OPRM1: variants seen among roughly 807,000 people sequenced by gnomAD.
The protein encoded by OPRM1 is opioid receptor mu 1, also known as mu-type opioid receptor.
A neutral mutation model predicts 31.8 loss-of-function variants in OPRM1; 27 were observed. The observed-to-expected ratio is 0.85, with a 90% CI of 0.63 to 1.17. OPRM1 has a LOEUF of 1.17. Among genes scored for constraint, OPRM1 ranks in the 50% most tolerant of loss-of-function variants. The probability of loss-of-function intolerance (pLI) is 0.00; values close to 1 mark genes in which losing one functional copy is unlikely to be tolerated. For missense variants in OPRM1, 536 were observed against 511.1 expected (o/e 1.05, Z -0.47); for synonymous variants, 196 against 189.9 (o/e 1.03, Z -0.26).
At chr6:154,014,015 A>G (rs712244) in intron 1 of OPRM1, among the ~76,000 whole-genome samples, 35,231 of 152,110 alleles carry the variant, frequency 0.23, 5,275 homozygotes, top group East Asian at 0.59. Flanking sequence ...GGATATAGAG[A>G]CAAGGAAGGG....
chr6:154,114,908 C>T (rs1454861766), intron 3 of OPRM1, among the ~76,000 whole-genome samples: 1 of 151,228 alleles, frequency 6.6e-6, no homozygotes, highest in African/African-American at 2.4e-5. Flanking sequence ...TTGAAGAGAA[C>T]CAAAGCCAAG....
At chr6:154,137,482 A>G (rs1308371738) in intron 3 of OPRM1, among the ~76,000 whole-genome samples, 2 of 152,186 alleles carry the variant, frequency 1.3e-5, no homozygotes, top group African/African-American at 4.8e-5. Flanking sequence ...TAATTTAATA[A>G]ATCATTAAAT....
intron 3 of OPRM1, among the ~76,000 whole-genome samples, chr6:154,245,449 T>C (rs539131144): frequency 6.6e-6 from 1 of 152,324 alleles, no homozygotes; most frequent in African/African-American, 2.4e-5. Flanking sequence ...AAATCTTTAA[T>C]GAACAGGTGC....
chr6:154,172,926 C>T (rs1328633988), intron 3 of OPRM1, among the ~76,000 whole-genome samples: 3 of 152,166 alleles, frequency 2.0e-5, no homozygotes, highest in Non-Finnish European at 2.9e-5. Flanking sequence ...ACAGACACCT[C>T]ATATCAGTGG....
intron 3 of OPRM1, chr6:154,199,829 G>T: frequency 6.2e-7 from 1 of 1,614,138 alleles, no homozygotes; most frequent in South Asian, 1.1e-5. Flanking sequence ...TGCCTCTGAG[G>T]GTACAGGTGA....
chr6:154,025,495 T>G (rs1163138305), intron 1 of OPRM1, among the ~76,000 whole-genome samples: 1 of 152,074 alleles, frequency 6.6e-6, no homozygotes. Flanking sequence ...CTTTATGTTT[T>G]GATTGGAGAG....
At chr6:154,138,390 A>G (rs1798112119) in intron 3 of OPRM1, among the ~76,000 whole-genome samples, 1 of 152,214 alleles carries the variant, frequency 6.6e-6, no homozygotes, top group East Asian at 1.9e-4. Flanking sequence ...CAATGTCTGG[A>G]ACCTGCTGCA....
intron 3 of OPRM1, among the ~76,000 whole-genome samples, chr6:154,144,772 A>AG (rs1491341344): frequency 6.4e-5 from 9 of 140,400 alleles, no homozygotes; most frequent in African/African-American, 2.4e-4. Context: ...AAAAAAAAAA[A>AG]GAATTATACA....
At chr6:154,057,634 G>A (rs1195203413) in intron 1 of OPRM1, among the ~76,000 whole-genome samples, 1 of 152,154 alleles carries the variant, frequency 6.6e-6, no homozygotes, top group African/African-American at 2.4e-5. Context: ...GAAAAAAAGT[G>A]CTATTGACCA....
At chr6:154,056,910 A>C (rs1783421969) in intron 1 of OPRM1, among the ~76,000 whole-genome samples, 1 of 152,206 alleles carries the variant, frequency 6.6e-6, no homozygotes, top group Admixed American at 6.5e-5. Context: ...ACATGGGCTG[A>C]ATAAAATTAA....
chr6:154,099,971 G>A lies in OPRM1; in HGVS notation c.1164+8499G>A, dbSNP rs565783639. ...CATAACATATATATTATCATATTACGATATATATCATAACATATTATATAT... is the reference window on the plus strand; with the variant it reads ...CATAACATATATATTATCATATTACAATATATATCATAACATATTATATAT... On this transcript the variant is annotated intron_variant, in intron 3 of 3. Coordinates refer to ENST00000330432, the MANE Select transcript of OPRM1 (RefSeq NM_000914.5). 2.9e-3 allele frequency among the ~76,000 whole-genome samples: 385 copies of A among 131,682 alleles called. 2 individuals carry two copies. Among genetic ancestry groups the A allele is most frequent in the Middle Eastern group, 0.013 (2 of 154 alleles). 86.4% of individuals were successfully genotyped at this position (131,682 alleles called of 152,430 possible). A position where few individuals can be genotyped will look rare whatever the true frequency, so the allele number is the denominator to read the frequency against.
intron 1 of OPRM1, among the ~76,000 whole-genome samples, chr6:154,012,611 C>A (rs561113603): frequency 6.6e-6 from 1 of 152,096 alleles, no homozygotes; most frequent in South Asian, 2.1e-4. Flanking sequence ...ATTATTTTTT[C>A]TTTCTTTGAA....
intron 3 of OPRM1, among the ~76,000 whole-genome samples, chr6:154,195,143 C>CTTTTTTTTTT (rs1162086187): frequency 7.5e-6 from 1 of 133,486 alleles, no homozygotes; most frequent in African/African-American, 3.0e-5. Context: ...TTTTTCTTTT[C>CTTTTTTTTTT]TTTCTTTTTT....
intron 3 of OPRM1, among the ~76,000 whole-genome samples, chr6:154,111,120 C>G (rs945140938): frequency 2.0e-5 from 3 of 152,116 alleles, no homozygotes; most frequent in Non-Finnish European, 4.4e-5. Context: ...ATTATTCTAC[C>G]TCTCCTTGAA....
intron 3 of OPRM1, among the ~76,000 whole-genome samples, chr6:154,174,117 A>G (rs1288145873): frequency 6.6e-6 from 1 of 152,178 alleles, no homozygotes; most frequent in African/African-American, 2.4e-5. Flanking sequence ...CAGACAAGCA[A>G]ATGCTGAGAG....
intron 3 of OPRM1, among the ~76,000 whole-genome samples, chr6:154,176,764 C>A (rs1335307605): frequency 4.6e-5 from 7 of 152,190 alleles, no homozygotes; most frequent in Middle Eastern, 3.4e-3. Context: ...TCAATGCTAT[C>A]CCCATCAAGC....
chr6:154,034,450 A>C (rs1347640971), upstream of OPRM1, among the ~76,000 whole-genome samples: 1 of 152,184 alleles, frequency 6.6e-6, no homozygotes, highest in African/African-American at 2.4e-5. Context: ...CAGGAGTCTG[A>C]GGCGGGAGAA....
At chr6:154,188,370 G>T (rs1372741726) in intron 3 of OPRM1, among the ~76,000 whole-genome samples, 1 of 152,162 alleles carries the variant, frequency 6.6e-6, no homozygotes, top group African/African-American at 2.4e-5. Flanking sequence ...TAAATGGAGA[G>T]AGGTAAAGAG....
chr6:154,233,881 C>T (rs1396526021), intron 3 of OPRM1, among the ~76,000 whole-genome samples: 1 of 152,170 alleles, frequency 6.6e-6, no homozygotes, highest in Non-Finnish European at 1.5e-5. Context: ...GGGACGAGCT[C>T]TCAACCAGCA....
Sources: allele counts gnomAD v4.1 joint callset (sites outside exome capture counted in the v4.1 genomes callset), GRCh38; gene constraint gnomAD v4.1.1; transcripts MANE v1.5; gene names NCBI Gene and HGNC (gene_info 2026-07-23, HGNC 2026-07-21).